Variants in ADCY8 observed in about 807,000 individuals in gnomAD.
ADCY8 encodes adenylate cyclase 8.
In ADCY8, 51 loss-of-function variants were observed where a neutral mutation model predicts 119.7. That is an observed-to-expected ratio of 0.43 (90% CI 0.34 to 0.54). The LOEUF (loss-of-function observed/expected upper bound fraction) is 0.54, where lower values mean the gene tolerates loss of function less well. Ranked by LOEUF, ADCY8 falls within the 20% of genes least tolerant of loss-of-function variation. The pLI is 0.03. For missense variants in ADCY8, 1,383 were observed against 1,598.8 expected (o/e 0.87, Z 2.30); for synonymous variants, 665 against 651.0 (o/e 1.02, Z -0.33).
At chr8:130,910,873 G>C (rs1293387607) in intron 5 of ADCY8, among the ~76,000 whole-genome samples, 1 of 152,106 alleles carries the variant, frequency 6.6e-6, no homozygotes, top group Non-Finnish European at 1.5e-5. Context: ...ATTAAATGAT[G>C]TCATTTATGC....
At chr8:131,017,387 A>G (rs1161759821) in intron 1 of ADCY8, among the ~76,000 whole-genome samples, 2 of 152,208 alleles carry the variant, frequency 1.3e-5, no homozygotes, top group African/African-American at 4.8e-5. Context: ...CCATGATTCT[A>G]AAGTCAGAGC....
chr8:130,907,955 C>T (rs1214636827), intron 6 of ADCY8, among the ~76,000 whole-genome samples: 1 of 152,128 alleles, frequency 6.6e-6, no homozygotes, highest in African/African-American at 2.4e-5. Flanking sequence ...CATATGTACT[C>T]AATGTTTAGC....
At chr8:130,902,708 G>A (rs916479811) in intron 7 of ADCY8, among the ~76,000 whole-genome samples, 2 of 152,076 alleles carry the variant, frequency 1.3e-5, no homozygotes, top group African/African-American at 4.8e-5. Context: ...AAGTTAATGA[G>A]AAATGTTGAG....
chr8:130,883,661 C>T (rs1818865477), intron 8 of ADCY8, among the ~76,000 whole-genome samples: 1 of 152,082 alleles, frequency 6.6e-6, no homozygotes, highest in South Asian at 2.1e-4. Flanking sequence ...TTGTAGATTC[C>T]CTGCTGTTCC....
chr8:130,879,959 G>A (rs904320178), intron 8 of ADCY8, among the ~76,000 whole-genome samples: 1 of 152,160 alleles, frequency 6.6e-6, no homozygotes, highest in African/African-American at 2.4e-5. Context: ...AATCATGGGG[G>A]TGGGTCTTTC....
chr8:130,829,331 T>C (rs1816759073), intron 12 of ADCY8, among the ~76,000 whole-genome samples: 1 of 152,212 alleles, frequency 6.6e-6, no homozygotes, highest in African/African-American at 2.4e-5. Flanking sequence ...GGCTAGTTTC[T>C]TGGTCTGGTT....
chr8:130,988,063 T>C (rs185025622), intron 2 of ADCY8, among the ~76,000 whole-genome samples: 6 of 152,334 alleles, frequency 3.9e-5, no homozygotes, highest in Non-Finnish European at 8.8e-5. Context: ...CCCATGCCAT[T>C]GATGGGCAAA....
intron 1 of ADCY8, among the ~76,000 whole-genome samples, chr8:131,010,739 T>A (rs1439422897): frequency 1.3e-5 from 2 of 152,234 alleles, no homozygotes; most frequent in African/African-American, 2.4e-5. Context: ...TCCACTGGAC[T>A]CAGTGTGTCA....
intron 6 of ADCY8, among the ~76,000 whole-genome samples, chr8:130,904,554 G>A (rs550998162): frequency 3.3e-5 from 5 of 152,096 alleles, no homozygotes; most frequent in Non-Finnish European, 5.9e-5. Flanking sequence ...TCTTCTCAAG[G>A]GTGATTCTGA....
intron 1 of ADCY8, among the ~76,000 whole-genome samples, chr8:131,038,940 A>T (rs1824255340): frequency 6.6e-6 from 1 of 152,136 alleles, no homozygotes; most frequent in South Asian, 2.1e-4. Flanking sequence ...GATACGGAAA[A>T]ACCCAACTCT....
intron 1 of ADCY8, among the ~76,000 whole-genome samples, chr8:131,036,080 A>G (rs775669643): frequency 1.3e-5 from 2 of 152,174 alleles, no homozygotes; most frequent in African/African-American, 2.4e-5. Context: ...TAATCACTAA[A>G]GGGTTTCTGA....
chr8:130,800,398 A>T (rs764924951), intron 15 of ADCY8, 28 bp downstream of exon 15: 11 of 1,613,500 alleles, frequency 6.8e-6, no homozygotes, highest in Non-Finnish European at 5.1e-6. Context: ...CCCATTTGTG[A>T]TTGTAAATGT....
intron 9 of ADCY8, among the ~76,000 whole-genome samples, chr8:130,866,334 ATCTT>A (rs10600050): frequency 0.43 from 65,169 of 151,450 alleles, 14,449 homozygotes; most frequent in African/African-American, 0.56. Flanking sequence ...TAACTTGAAC[ATCTT>A]TCTTCCACAG....
intron 15 of ADCY8, among the ~76,000 whole-genome samples, chr8:130,796,012 T>C (rs1815568956): frequency 6.6e-6 from 1 of 152,168 alleles, no homozygotes; most frequent in South Asian, 2.1e-4. Context: ...GCTGCTAATG[T>C]TTCAGCTTAA....
At chr8:130,877,205 G>C (rs1023662228) in intron 8 of ADCY8, among the ~76,000 whole-genome samples, 5 of 152,202 alleles carry the variant, frequency 3.3e-5, no homozygotes, top group Non-Finnish European at 7.3e-5. Context: ...AGGCACTTAA[G>C]TATTATCTGC....
chr8:130,982,602 C>G (rs1822272414), intron 2 of ADCY8, among the ~76,000 whole-genome samples: 1 of 152,172 alleles, frequency 6.6e-6, no homozygotes, highest in Non-Finnish European at 1.5e-5. Flanking sequence ...CTCAGAGTCA[C>G]ACTAGCAAGT....
intron 2 of ADCY8, among the ~76,000 whole-genome samples, chr8:130,982,625 T>G (rs1174583983): frequency 6.6e-6 from 1 of 152,152 alleles, no homozygotes; most frequent in Non-Finnish European, 1.5e-5. Context: ...GAAATAGAAA[T>G]GGGACAAGCA....
intron 12 of ADCY8, among the ~76,000 whole-genome samples, chr8:130,827,119 A>T (rs1429505475): frequency 6.6e-6 from 1 of 152,246 alleles, no homozygotes; most frequent in Non-Finnish European, 1.5e-5. Context: ...GCGGAAGCAG[A>T]TGAGTAGTAT....
chr8:131,013,836 G>A (rs1441681077), intron 1 of ADCY8, among the ~76,000 whole-genome samples: 1 of 152,166 alleles, frequency 6.6e-6, no homozygotes, highest in African/African-American at 2.4e-5. Flanking sequence ...TGCACCAAAA[G>A]TTGGAACATT....
Sources: gnomAD v4.1 joint callset for allele counts (sites outside exome capture counted in the v4.1 genomes callset) on GRCh38, gnomAD v4.1.1 for gene constraint, MANE v1.5 for transcripts, NCBI Gene and HGNC (gene_info 2026-07-23, HGNC 2026-07-21) for gene names.